KRTAP10-2: variants seen among roughly 807,000 people sequenced by gnomAD.
The protein encoded by KRTAP10-2 is keratin associated protein 10-2.
For synonymous variants in KRTAP10-2, 134 were observed against 135.5 expected (o/e 0.99, Z 0.08); for missense variants, 295 against 319.5 (o/e 0.92, Z 0.58).
rs438117 is a variant in KRTAP10-2, at chr21:44,551,417, G to T, written c.42C>A (p.Thr14=). 1 of 1,613,124 alleles carries T rather than the reference G, an allele frequency of 6.2e-7. No individual in the cohort carries two copies. The highest frequency in any genetic ancestry group is 1.1e-5 in the South Asian group (1 of 90,954). Residue 14 remains threonine, a synonymous_variant, in exon 1 of 1, where the codon ACC becomes ACA. Transcript: ENST00000391621. ...STMSICSSAC[T]NSWQVDDCPE... ...GGCAGTCGTCCACCTGCCAGGAGTTGGTGCAGGCGCTGGAGCAGATGGACA... is the reference window on the plus strand; with the variant it reads ...GGCAGTCGTCCACCTGCCAGGAGTTTGTGCAGGCGCTGGAGCAGATGGACA...
Position 44,551,387 on chromosome 21 carries a change from C to A in KRTAP10-2, c.72G>T (p.Glu24Asp), listed in dbSNP as rs782142978. ...TNSWQVDDCP[E>D]SCCELPCGTP... is the part of the protein sequence containing the mutation. The stretch of plus-strand genomic sequence containing the variant: ...TGCCGCAGGGGAGCTCACAGCAGCT[C>A]TCTGGGCAGTCGTCCACCTGCCAGG... The change falls in exon 1 of 1, where the codon GAG becomes GAT. Residue 24 changes from glutamate (E) to aspartate (D), a missense_variant. Coordinates refer to ENST00000391621, the MANE Select transcript of KRTAP10-2 (RefSeq NM_198693.4). 6.2e-7 allele frequency: 1 copy of A among 1,613,322 alleles called. No homozygotes were observed. The highest frequency in any genetic ancestry group is 2.2e-5 in the East Asian group (1 of 44,856).
chr21:44,550,698 C>G lies in KRTAP10-2; in HGVS notation c.761G>C (p.Ser254Thr), dbSNP rs782733313. Residue 254 changes from serine (S) to threonine (T), a missense_variant, in exon 1 of 1, where the codon AGC becomes ACC. Transcript: ENST00000391621. ...SCSFSSGQKS[S>T]C ...CCCTGGGGGACATGGCCATCAGCAG[C>G]TAGACTTTTGGCCTGAGGAAAAGCT... is the stretch of plus-strand genomic sequence containing the variant. 1.9e-6 allele frequency: 3 copies of G among 1,613,756 alleles called. No homozygotes were observed. Among genetic ancestry groups the G allele is most frequent in the Non-Finnish European group, 2.5e-6 (3 of 1,179,932 alleles).
intron 1 of KRTAP10-2, chr21:44,551,080 G>A (rs782364830): frequency 6.4e-7 from 1 of 1,572,296 alleles, no homozygotes; most frequent in Non-Finnish European, 8.7e-7. Flanking sequence ...CAAGCTGGCT[G>A]GCAGCTAGAC....
rs1482419108 is a variant in KRTAP10-2 at position 44,550,561 on chromosome 21, C to G, written c.*130G>C. 1.0e-5 allele frequency: 14 copies of G among 1,382,040 alleles called. No individual in the cohort carries two copies. In the African/African-American group the frequency reaches 2.0e-4, roughly 20 times the overall value. 85.6% of individuals were successfully genotyped at this position (1,382,040 alleles called of 1,614,324 possible). On this transcript the variant is annotated 3_prime_UTR_variant, in exon 1 of 1. Coordinates refer to ENST00000391621, the MANE Select transcript of KRTAP10-2 (RefSeq NM_198693.4). ...AGGAGCCAGTGAGCATCTGAGACCC[C>G]GGGGCTGGGCGGCTGTGGCTGGGGC...
rs587678732 is a variant in KRTAP10-2, at chr21:44,550,369, C to G, written c.*322G>C. On this transcript the variant is annotated 3_prime_UTR_variant, in exon 1 of 1. Coordinates refer to ENST00000391621, the MANE Select transcript of KRTAP10-2 (RefSeq NM_198693.4). ...GCACGGAGTCAGCTGGGGCCGCAGACGCTTTATTGGTGCTCAGAGGCAGAG... is the reference window on the plus strand; with the variant it reads ...GCACGGAGTCAGCTGGGGCCGCAGAGGCTTTATTGGTGCTCAGAGGCAGAG... The G allele has an allele frequency of 2.0e-6, 1 of 509,180 alleles. No homozygotes were observed. Among genetic ancestry groups the G allele is most frequent in the African/African-American group, 1.9e-5 (1 of 51,958 alleles). 31.5% of individuals were successfully genotyped at this position (509,180 alleles called of 1,614,324 possible).
At position 44,551,329 on chromosome 21, in the gene KRTAP10-2, T is replaced by C. The variant is rs782116286; in HGVS notation, c.130A>G (p.Thr44Ala). The stretch of plus-strand genomic sequence containing the variant: ...CAGCTCACTGGGGTGCAGACCAGGG[T>C]CAGGCAGGGGGCTGGGGCACAGCAG... Reference protein sequence around the residue: ...PSCCAPAPCLTLVCTPVSCVS... With the variant: ...PSCCAPAPCLALVCTPVSCVS... Residue 44 changes from threonine to alanine, a missense_variant, in exon 1 of 1, where the codon ACC (threonine) becomes GCC (alanine). Thr to Ala is a moderately conservative substitution (Grantham distance 58, BLOSUM62 0). Coordinates refer to ENST00000391621, the MANE Select transcript of KRTAP10-2 (RefSeq NM_198693.4). 3.7e-6 allele frequency: 6 copies of C among 1,613,066 alleles called. No homozygotes were observed. In the South Asian group the frequency reaches 6.6e-5, roughly 18 times the overall value.
rs2053395593 is a variant in KRTAP10-2 at position 44,550,569 on chromosome 21, G to T, written c.*122C>A. ...GTGAGCATCTGAGACCCCGGGGCTG[G>T]GCGGCTGTGGCTGGGGCTGCTCCTT... On this transcript the variant is annotated 3_prime_UTR_variant, in exon 1 of 1. Coordinates refer to ENST00000391621, the MANE Select transcript of KRTAP10-2 (RefSeq NM_198693.4). The T allele has an allele frequency of 1.4e-6, 2 of 1,422,268 alleles. No homozygotes were observed. The highest frequency in any genetic ancestry group is 1.4e-5 in the African/African-American group (1 of 70,104). The allele number at this position is 1,422,268 out of a possible 1,614,324, so 88.1% of individuals were successfully genotyped here. A position where few individuals can be genotyped will look rare whatever the true frequency, so the allele number is the denominator to read the frequency against.
chr21:44,550,493 G>A lies in KRTAP10-2; in HGVS notation c.*198C>T, dbSNP rs1349908641. The A allele has an allele frequency of 1.2e-5, 10 of 825,930 alleles. No individual in the cohort carries two copies. The highest frequency in any genetic ancestry group is 8.7e-5 in the Admixed American group (3 of 34,474). 51.2% of individuals were successfully genotyped at this position (825,930 alleles called of 1,614,324 possible). ...TTGTGGTCTGCAGCCAGGAAGCACC[G>A]TGAGGAGAAGCCAGGGCTCGCCCGC... On this transcript the variant is annotated 3_prime_UTR_variant, in exon 1 of 1. Coordinates refer to ENST00000391621, the MANE Select transcript of KRTAP10-2 (RefSeq NM_198693.4).
chr21:44,550,609 G>C lies in KRTAP10-2; in HGVS notation c.*82C>G. The C allele has an allele frequency of 6.4e-7, 1 of 1,566,098 alleles. No homozygotes were observed. Among genetic ancestry groups the C allele is most frequent in the South Asian group, 1.2e-5 (1 of 82,762 alleles). On this transcript the variant is annotated 3_prime_UTR_variant, in exon 1 of 1. Transcript: ENST00000391621. ...GGCTGCTCCTTCTGTGCTGAGCTGT[G>C]CTGAGGCTGGGTGGGCTGGGAGGTC...
In KRTAP10-2 at chr21:44,551,338, G is replaced by A. The variant is rs372107705; in HGVS notation, c.121C>T (p.Pro41Ser). The change falls in exon 1 of 1, where the codon CCC becomes TCC. Residue 41 changes from proline to serine, a missense_variant. Pro to Ser is a moderately conservative substitution (Grantham distance 74, BLOSUM62 -1). Transcript: ENST00000391621. The part of the protein sequence containing the change: ...CGTPSCCAPA[P>S]CLTLVCTPVS... ...GGGGTGCAGACCAGGGTCAGGCAGG[G>A]GGCTGGGGCACAGCAGCTGGGGGTG... is the stretch of plus-strand genomic sequence containing the variant. The A allele has an allele frequency of 6.2e-7, 1 of 1,613,066 alleles. No individual in the cohort carries two copies. Among genetic ancestry groups the A allele is most frequent in the East Asian group, 2.2e-5 (1 of 44,886 alleles).
In KRTAP10-2 at chr21:44,551,467, G is replaced by C. The variant is rs373671103; in HGVS notation, c.-9C>G. 1 of 1,601,660 alleles carries C rather than the reference G, an allele frequency of 6.2e-7. No individual in the cohort carries two copies. Among genetic ancestry groups the C allele is most frequent in the Non-Finnish European group, 8.5e-7 (1 of 1,174,430 alleles). ...ATGGTGGAGGCGGCCATGCTGGAGT[G>C]GGGAGGAGGTGAGCTGGGGGAGGTG... On this transcript the variant is annotated 5_prime_UTR_variant, in exon 1 of 1. Coordinates refer to ENST00000391621, the MANE Select transcript of KRTAP10-2 (RefSeq NM_198693.4).
At position 44,551,115 on chromosome 21, in the gene KRTAP10-2, C is replaced by A. The variant is rs781919556; in HGVS notation, c.344G>T (p.Cys115Phe). 10 of 1,557,650 alleles carry A rather than the reference C, an allele frequency of 6.4e-6. No individual in the cohort carries two copies. Among genetic ancestry groups the A allele is most frequent in the South Asian group, 1.1e-5 (1 of 88,002 alleles). Residue 115 changes from cysteine (C) to phenylalanine (F), a missense_variant, in exon 1 of 1, where the codon TGT becomes TTT. Transcript: ENST00000391621. ...CTGCTGGCAGCATGAAGAAGCCCCA[C>A]AGCAGACGGGCACACAGCACACAGG... Reference protein sequence around the residue: ...CKPVCCVPVCCGASSCCQQSS... With the variant: ...CKPVCCVPVCFGASSCCQQSS...
At position 44,551,123 on chromosome 21, in the gene KRTAP10-2, G is replaced by A. The variant is rs782794896; in HGVS notation, c.336C>T (p.Pro112=). The change falls in exon 1 of 1, where the codon CCC becomes CCT. Residue 112 remains proline (P), a synonymous_variant. Coordinates refer to ENST00000391621, the MANE Select transcript of KRTAP10-2 (RefSeq NM_198693.4). ...PVCCKPVCCV[P]VCCGASSCCQ... The stretch of plus-strand genomic sequence containing the variant: ...AGCATGAAGAAGCCCCACAGCAGAC[G>A]GGCACACAGCACACAGGCTTGCAGC... 25 of 1,560,620 alleles carry A rather than the reference G, an allele frequency of 1.6e-5. No homozygotes were observed. The highest frequency in any genetic ancestry group is 6.8e-5 in the South Asian group (6 of 88,324).
In KRTAP10-2 at chr21:44,551,322, A is replaced by C. The variant is rs782095780; in HGVS notation, c.137T>G (p.Val46Gly). 7.1e-5 allele frequency: 115 copies of C among 1,613,150 alleles called. No individual in the cohort carries two copies. The highest frequency in any genetic ancestry group is 9.5e-5 in the Non-Finnish European group (112 of 1,179,946). Residue 46 changes from valine (V) to glycine (G), a missense_variant, in exon 1 of 1, where the codon GTC becomes GGC. By Grantham distance (109) the Val-to-Gly change is moderately radical. Coordinates refer to ENST00000391621, the MANE Select transcript of KRTAP10-2 (RefSeq NM_198693.4). ...CCAPAPCLTL[V>G]CTPVSCVSSP... ...GGACACACAGCTCACTGGGGTGCAG[A>C]CCAGGGTCAGGCAGGGGGCTGGGGC...
rs1555918793 is a variant in KRTAP10-2, at chr21:44,551,220, C to T, written c.239G>A (p.Cys80Tyr). 2 of 1,591,138 alleles carry T rather than the reference C, an allele frequency of 1.3e-6. No individual in the cohort carries two copies. The highest frequency in any genetic ancestry group is 8.6e-7 in the Non-Finnish European group (1 of 1,160,094). ...GCTSSCTPSC[C>Y]QQSSCQPACC... ...AGCCGGCTGGCAGCTAGACTGCTGG[C>T]AGCACGAGGGCGTGCAGGAGCTGGT... The change falls in exon 1 of 1, where the codon TGC (cysteine) becomes TAC (tyrosine). Residue 80 changes from cysteine to tyrosine, a missense_variant. Physicochemically the swap from Cys to Tyr is radical, Grantham distance 194. Coordinates refer to ENST00000391621, the MANE Select transcript of KRTAP10-2 (RefSeq NM_198693.4).
In KRTAP10-2 at chr21:44,550,580, C is replaced by T; in HGVS notation, c.*111G>A. On this transcript the variant is annotated 3_prime_UTR_variant, in exon 1 of 1. Transcript: ENST00000391621. ...AGACCCCGGGGCTGGGCGGCTGTGG[C>T]TGGGGCTGCTCCTTCTGTGCTGAGC... 2 of 1,479,626 alleles carry T rather than the reference C, an allele frequency of 1.4e-6. No individual in the cohort carries two copies. Among genetic ancestry groups the T allele is most frequent in the Non-Finnish European group, 9.1e-7 (1 of 1,093,834 alleles). The allele number at this position is 1,479,626 out of a possible 1,614,324, so 91.7% of individuals were successfully genotyped here. A position where few individuals can be genotyped will look rare whatever the true frequency, so the allele number is the denominator to read the frequency against.
rs782263136 is a variant in KRTAP10-2, at chr21:44,551,294, G to T, written c.165C>A (p.Ser55Arg). 2.5e-6 allele frequency: 4 copies of T among 1,613,374 alleles called. No homozygotes were observed. Among genetic ancestry groups the T allele is most frequent in the Non-Finnish European group, 2.5e-6 (3 of 1,179,952 alleles). ...LVCTPVSCVS[S>R]PCCQAACEPS... ...GCTCACAGGCCGCCTGGCAGCAGGG[G>T]CTGGACACACAGCTCACTGGGGTGC... The change falls in exon 1 of 1, where the codon AGC becomes AGA. Residue 55 changes from serine to arginine, a missense_variant. Transcript: ENST00000391621.
Position 44,550,769 on chromosome 21 carries a change from AGAG to A in KRTAP10-2, c.687_689del (p.Ser230del), listed in dbSNP as rs782122231. 6.2e-7 allele frequency: 1 copy of A among 1,614,172 alleles called. No homozygotes were observed. Among genetic ancestry groups the A allele is most frequent in the South Asian group, 1.1e-5 (1 of 91,084 alleles). On this transcript the variant is annotated inframe_deletion, in exon 1 of 1. Transcript: ENST00000391621. ...ACACGGGGCGGCAGAGGAGGGACAC[AGAG>A]GAGGAGGGTCTGCAGCAGGAGGAGG...
Position 44,550,821 on chromosome 21 carries a change from G to C in KRTAP10-2, c.638C>G (p.Ser213Cys). Residue 213 changes from serine to cysteine, a missense_variant, in exon 1 of 1, where the codon TCT becomes TGT. Physicochemically the swap from Ser to Cys is moderately radical, Grantham distance 112 (BLOSUM62 -1). Transcript: ENST00000391621. ...GGTGCAGCAAGCTGGCTGGCAGCTA[G>C]ACTGCTGGCAGCACGGAGAGGAAGC... ...SGASSPCCQQ[S>C]SCQPACCTSS... 6.5e-7 allele frequency: 1 copy of C among 1,535,666 alleles called. No homozygotes were observed. Among genetic ancestry groups the C allele is most frequent in the Non-Finnish European group, 8.8e-7 (1 of 1,129,952 alleles).
Sources: gnomAD v4.1 joint callset for allele counts on GRCh38, gnomAD v4.1.1 for gene constraint, MANE v1.5 for transcripts, NCBI Gene and HGNC (gene_info 2026-07-23, HGNC 2026-07-21) for gene names.